Variants in ARL15 observed in about 807,000 individuals in gnomAD.
ARL15 encodes ADP-ribosylation factor-like protein 15.
In ARL15, 19 loss-of-function variants were observed where a neutral mutation model predicts 25.2. The observed-to-expected ratio is 0.75, with a 90% CI of 0.53 to 1.10. ARL15 has a LOEUF of 1.10. Among genes scored for constraint, ARL15 ranks in the 50% least tolerant of loss-of-function variants. ARL15 has a pLI of 0.00. For synonymous variants in ARL15, 94 were observed against 86.8 expected (o/e 1.08, Z -0.46); for missense variants, 220 against 246.0 (o/e 0.89, Z 0.71).
At chr5:54,017,946 C>A (rs1355878102) in intron 4 of ARL15, among the ~76,000 whole-genome samples, 1 of 151,898 alleles carries the variant, frequency 6.6e-6, no homozygotes, top group African/African-American at 2.4e-5. Flanking sequence ...ATACCATAAA[C>A]AATCAGGATT....
At chr5:54,191,062 T>C (rs1037242434) in intron 1 of ARL15, among the ~76,000 whole-genome samples, 10 of 152,176 alleles carry the variant, frequency 6.6e-5, no homozygotes, top group African/African-American at 2.4e-4. Flanking sequence ...ACCCCATATG[T>C]CCATCAACAA....
At chr5:54,208,838 G>T (rs902597146) in intron 1 of ARL15, among the ~76,000 whole-genome samples, 1 of 152,104 alleles carries the variant, frequency 6.6e-6, no homozygotes, top group Non-Finnish European at 1.5e-5. Context: ...AGCAGGGCTG[G>T]TCAACAACCA....
At chr5:54,195,533 A>G (rs1755525644) in intron 1 of ARL15, among the ~76,000 whole-genome samples, 1 of 152,134 alleles carries the variant, frequency 6.6e-6, no homozygotes, top group Non-Finnish European at 1.5e-5. Flanking sequence ...TAGTCCACTT[A>G]TAAGCACATA....
At chr5:54,250,038 G>A (rs553867808) in intron 1 of ARL15, among the ~76,000 whole-genome samples, 1 of 152,296 alleles carries the variant, frequency 6.6e-6, no homozygotes, top group East Asian at 1.9e-4. Context: ...TCACAGTTCT[G>A]CAGGCTGTAC....
intron 1 of ARL15, among the ~76,000 whole-genome samples, chr5:54,293,823 T>C (rs969180646): frequency 6.3e-5 from 9 of 143,268 alleles, no homozygotes; most frequent in African/African-American, 2.5e-4. Flanking sequence ...ACTCATCATA[T>C]CATCCTTTTT....
intron 4 of ARL15, among the ~76,000 whole-genome samples, chr5:53,903,499 A>G (rs991120903): frequency 2.0e-5 from 3 of 152,206 alleles, no homozygotes; most frequent in Admixed American, 6.5e-5. Context: ...TCTCACCTCA[A>G]CAAAACATTA....
chr5:54,152,193 C>A (rs1754087697), intron 3 of ARL15, among the ~76,000 whole-genome samples: 1 of 152,118 alleles, frequency 6.6e-6, no homozygotes, highest in Non-Finnish European at 1.5e-5. Context: ...ATATAACTCT[C>A]TCCTCCCAGA....
At position 54,179,082 on chromosome 5, in the gene ARL15, G is replaced by A. The variant is rs139991317; in HGVS notation, c.49-7154C>T. 5.3e-5 allele frequency among the ~76,000 whole-genome samples: 8 copies of A among 152,268 alleles called. No homozygotes were observed. In the East Asian group the frequency reaches 5.8e-4, roughly 11 times the overall value. On this transcript the variant is annotated intron_variant, in intron 1 of 4. Transcript: ENST00000504924. ...CAAAGAAGTTAAGTAACTTGCCTAC[G>A]TGGAACAGGATTCAAACCCTGGCAG...
chr5:54,190,310 T>A (rs1424544649), intron 1 of ARL15, among the ~76,000 whole-genome samples: 3 of 151,884 alleles, frequency 2.0e-5, no homozygotes, highest in Non-Finnish European at 4.4e-5. Context: ...GAAGAATTGC[T>A]TGAACCCAGG....
intron 1 of ARL15, among the ~76,000 whole-genome samples, chr5:54,206,467 G>A (rs1755871381): frequency 6.6e-6 from 1 of 152,162 alleles, no homozygotes; most frequent in Non-Finnish European, 1.5e-5. Flanking sequence ...AGAACAGGGT[G>A]CCTCTTAAAA....
chr5:53,969,091 C>T (rs577029722), intron 4 of ARL15, among the ~76,000 whole-genome samples: 1 of 152,012 alleles, frequency 6.6e-6, no homozygotes, highest in Middle Eastern at 3.2e-3. Flanking sequence ...GTGGAGGTTG[C>T]AGTGAGCCGA....
chr5:53,979,012 A>C (rs115130354), intron 4 of ARL15, among the ~76,000 whole-genome samples: 1,720 of 152,308 alleles, frequency 0.011, 30 homozygotes, highest in African/African-American at 0.04. Flanking sequence ...GGCTACATTA[A>C]GAGACTTTGT....
intron 4 of ARL15, among the ~76,000 whole-genome samples, chr5:53,899,221 G>A (rs1487730226): frequency 2.0e-5 from 3 of 151,196 alleles, no homozygotes; most frequent in Non-Finnish European, 4.4e-5. Context: ...GGTGGTGCAC[G>A]CCTGTAATCC....
At chr5:53,902,541 A>G (rs572645209) in intron 4 of ARL15, among the ~76,000 whole-genome samples, 1 of 152,354 alleles carries the variant, frequency 6.6e-6, no homozygotes, top group African/African-American at 2.4e-5. Context: ...CAGCAGTAGT[A>G]ACAAATCAAA....
chr5:54,204,099 A>G (rs1755797257), intron 1 of ARL15, among the ~76,000 whole-genome samples: 2 of 152,202 alleles, frequency 1.3e-5, no homozygotes, highest in African/African-American at 4.8e-5. Flanking sequence ...TGAGTGGTAA[A>G]GGACATAGTG....
At chr5:54,187,189 G>A (rs1755264538) in intron 1 of ARL15, among the ~76,000 whole-genome samples, 3 of 152,116 alleles carry the variant, frequency 2.0e-5, no homozygotes, top group Admixed American at 1.3e-4. Flanking sequence ...CTGCAGCCAC[G>A]AGAATGACAT....
chr5:53,913,544 T>C (rs1375220131), intron 4 of ARL15, among the ~76,000 whole-genome samples: 5 of 152,186 alleles, frequency 3.3e-5, no homozygotes, highest in African/African-American at 1.2e-4. Flanking sequence ...TTACTAACTC[T>C]TTGGCTTTGG....
intron 1 of ARL15, among the ~76,000 whole-genome samples, chr5:54,192,322 C>T (rs896539276): frequency 4.0e-5 from 6 of 151,490 alleles, no homozygotes; most frequent in Non-Finnish European, 7.4e-5. Context: ...TTCTAACTAC[C>T]TTACATGTTT....
At position 54,164,988 on chromosome 5, in the gene ARL15, T is replaced by G. The variant is rs1240741484; in HGVS notation, c.193+6796A>C. On this transcript the variant is annotated intron_variant, in intron 2 of 4. Coordinates refer to ENST00000504924, the MANE Select transcript of ARL15 (RefSeq NM_019087.3). ...TGGATTATTTTTGATAATTCTATTT[T>G]CATCTCATTTGTTGCTTTATGGGCT... Among the ~76,000 whole-genome samples, 3 of 152,004 alleles carry G rather than the reference T, an allele frequency of 2.0e-5. No homozygotes were observed. In the East Asian group the frequency reaches 5.8e-4, roughly 29 times the overall value.
Sources: gnomAD v4.1 joint callset for allele counts (sites outside exome capture counted in the v4.1 genomes callset) on GRCh38, gnomAD v4.1.1 for gene constraint, MANE v1.5 for transcripts, NCBI Gene and HGNC (gene_info 2026-07-23, HGNC 2026-07-21) for gene names.